The following TANGO6 variants were observed in gnomAD, a reference collection of about 807,000 sequenced individuals.
The protein encoded by TANGO6 is transport and Golgi organization protein 6 homolog.
A neutral mutation model predicts 114.2 loss-of-function variants in TANGO6; 90 were observed. The ratio of observed to expected loss-of-function variants is 0.79; its 90% confidence interval spans 0.66 to 0.94. The LOEUF (loss-of-function observed/expected upper bound fraction) is 0.94, where lower values mean the gene tolerates loss of function less well. Ranked by LOEUF, TANGO6 falls within the 40% of genes least tolerant of loss-of-function variation. TANGO6 has a pLI of 0.00. For synonymous variants in TANGO6, 477 were observed against 509.8 expected (o/e 0.94, Z 0.87); for missense variants, 1,274 against 1,315.3 (o/e 0.97, Z 0.49).
chr16:68,846,946 A>C (rs1255425984), intron 1 of TANGO6: 1 of 150,532 alleles, frequency 6.6e-6, no homozygotes, highest in Non-Finnish European at 1.5e-5. Context: ...GATGGAATGC[A>C]GTGGCGTGAT....
chr16:68,880,576 A>T lies in TANGO6; in HGVS notation c.1323A>T (p.Gly441=), dbSNP rs759960824. ...TTTCAGAGAGTGACATGGTACCAGGAACTATTTTGGTGACAGAAGAAGAAC... is the reference window on the plus strand; with the variant it reads ...TTTCAGAGAGTGACATGGTACCAGGTACTATTTTGGTGACAGAAGAAGAAC... ...AELSESDMVP[G]TILVTEEELS... The change falls in exon 7 of 18, where the codon GGA becomes GGT. Residue 441 remains glycine, a synonymous_variant. Transcript: ENST00000261778. 1.2e-6 allele frequency: 2 copies of T among 1,612,778 alleles called. No individual in the cohort carries two copies. The highest frequency in any genetic ancestry group is 2.2e-5 in the South Asian group (2 of 90,866).
intron 15 of TANGO6, among the ~76,000 whole-genome samples, chr16:68,999,195 T>C (rs1451512077): frequency 6.6e-6 from 1 of 152,148 alleles, no homozygotes; most frequent in Admixed American, 6.5e-5. Context: ...CTCAGACTTG[T>C]ATAAGCCTTG....
chr16:68,940,599 T>TTTTTTTTTTTTTTTTTTTTTTTG (rs1963342976), intron 14 of TANGO6, among the ~76,000 whole-genome samples: 1 of 151,990 alleles, frequency 6.6e-6, no homozygotes, highest in African/African-American at 2.4e-5. Flanking sequence ...GTGAACTTTC[T>TTTTTTTTTTTTTTTTTTTTTTTG]ATGTGGCCTA....
chr16:68,895,720 G>A (rs1962694836), intron 7 of TANGO6, among the ~76,000 whole-genome samples: 1 of 152,144 alleles, frequency 6.6e-6, no homozygotes, highest in Non-Finnish European at 1.5e-5. Flanking sequence ...ACTTGTGCTG[G>A]ATCAATTTAA....
At chr16:69,037,399 G>A (rs1045705567) in intron 16 of TANGO6, among the ~76,000 whole-genome samples, 4 of 152,180 alleles carry the variant, frequency 2.6e-5, no homozygotes, top group African/African-American at 9.6e-5. Context: ...AAAGCTAAAC[G>A]TAGAGGGGAG....
intron 16 of TANGO6, among the ~76,000 whole-genome samples, chr16:69,036,738 G>A (rs1274481123): frequency 2.0e-5 from 3 of 152,228 alleles, no homozygotes; most frequent in South Asian, 2.1e-4. Flanking sequence ...CGAGGCAGGC[G>A]AATCACTTGA....
At chr16:69,037,522 T>C (rs1959708427) in intron 16 of TANGO6, among the ~76,000 whole-genome samples, 1 of 152,260 alleles carries the variant, frequency 6.6e-6, no homozygotes, top group African/African-American at 2.4e-5. Context: ...GACTCAGACC[T>C]ATCTCTAACT....
intron 15 of TANGO6, among the ~76,000 whole-genome samples, chr16:68,992,113 ATGAG>A (rs1963951351): frequency 6.6e-6 from 1 of 152,206 alleles, no homozygotes; most frequent in African/African-American, 2.4e-5. Flanking sequence ...TTATAAATAT[ATGAG>A]TATCATCACA....
chr16:69,076,334 C>A (rs934241991), intron 17 of TANGO6, among the ~76,000 whole-genome samples: 1 of 151,186 alleles, frequency 6.6e-6, no homozygotes, highest in Non-Finnish European at 1.5e-5. Context: ...TCAGGTGATC[C>A]GCCTGCCTTG....
chr16:68,980,474 G>GC (rs1963823199), intron 15 of TANGO6, among the ~76,000 whole-genome samples: 1 of 120,058 alleles, frequency 8.3e-6, no homozygotes, highest in Non-Finnish European at 1.7e-5. Flanking sequence ...TTGCTATGTT[G>GC]CCCAGGCTGG....
chr16:69,030,928 C>T (rs142281014), intron 16 of TANGO6, among the ~76,000 whole-genome samples: 36 of 151,806 alleles, frequency 2.4e-4, no homozygotes, highest in African/African-American at 7.5e-4. Context: ...TGGTGGTGCA[C>T]GCCTGTAGTC....
chr16:69,036,119 T>C (rs1214829481), intron 16 of TANGO6: 3 of 151,246 alleles, frequency 2.0e-5, no homozygotes, highest in African/African-American at 7.3e-5. Context: ...CACCAGTTCA[T>C]CATCTATCTA....
chr16:68,900,610 G>A (rs1962769741), intron 8 of TANGO6, 64 bp downstream of exon 8: 5 of 1,314,724 alleles, frequency 3.8e-6, no homozygotes, highest in African/African-American at 1.5e-5. Flanking sequence ...TGTTGTTTTT[G>A]TTCTTATTTT....
intron 1 of TANGO6, 24 bp from the exon 2 acceptor site, chr16:68,859,860 T>G: frequency 6.5e-7 from 1 of 1,534,438 alleles, no homozygotes; most frequent in Non-Finnish European, 8.7e-7. Flanking sequence ...GTGTATAAAC[T>G]CTCCTTTTTT....
intron 1 of TANGO6, among the ~76,000 whole-genome samples, chr16:68,849,971 C>CTTTTTTT (rs560571416): frequency 8.7e-6 from 1 of 114,860 alleles, no homozygotes; most frequent in Non-Finnish European, 1.8e-5. Flanking sequence ...TCTAGCGGTT[C>CTTTTTTT]TTTTTTTTTT....
chr16:69,069,574 C>T (rs934388511), intron 17 of TANGO6, among the ~76,000 whole-genome samples: 1 of 152,128 alleles, frequency 6.6e-6, no homozygotes, highest in Non-Finnish European at 1.5e-5. Context: ...CAGCCACCAG[C>T]TCCAGTTCAC....
At chr16:68,901,686 A>AC (rs1962787535) in intron 8 of TANGO6, among the ~76,000 whole-genome samples, 1 of 152,070 alleles carries the variant, frequency 6.6e-6, no homozygotes, top group South Asian at 2.1e-4. Flanking sequence ...ACAGTGTTTC[A>AC]CCATGTGGCC....
chr16:68,954,797 T>C (rs1216875771), intron 14 of TANGO6, among the ~76,000 whole-genome samples: 2 of 152,238 alleles, frequency 1.3e-5, no homozygotes, highest in Non-Finnish European at 2.9e-5. Flanking sequence ...TGGCATTATT[T>C]TAGGCCAGTG....
chr16:68,974,465 C>T (rs576547064), intron 15 of TANGO6, among the ~76,000 whole-genome samples: 1 of 152,178 alleles, frequency 6.6e-6, no homozygotes, highest in Non-Finnish European at 1.5e-5. Context: ...AGTTCAAGAC[C>T]AGCCTGGTCC....
Sources: gnomAD v4.1 joint callset for allele counts (sites outside exome capture counted in the v4.1 genomes callset) on GRCh38, gnomAD v4.1.1 for gene constraint, MANE v1.5 for transcripts, NCBI Gene and HGNC (gene_info 2026-07-23, HGNC 2026-07-21) for gene names.